SPOPL: variants seen among roughly 807,000 people sequenced by gnomAD.
SPOPL encodes the protein speckle type BTB/POZ protein like.
A neutral mutation model predicts 53.8 loss-of-function variants in SPOPL; 23 were observed. The observed-to-expected ratio is 0.43, with a 90% CI of 0.31 to 0.61. SPOPL has a LOEUF of 0.61. Ranked by LOEUF, SPOPL falls within the 20% of genes least tolerant of loss-of-function variation. The pLI, the probability that SPOPL is intolerant of heterozygous loss-of-function variation, is 0.12. For missense variants in SPOPL, 442 were observed against 466.9 expected (o/e 0.95, Z 0.49); for synonymous variants, 164 against 149.7 (o/e 1.10, Z -0.70).
intron 1 of SPOPL, among the ~76,000 whole-genome samples, chr2:138,539,927 G>T (rs1159392554): frequency 2.0e-5 from 3 of 152,132 alleles, no homozygotes. Flanking sequence ...TTTGTATAAG[G>T]TGTAAGGAAA....
At chr2:138,567,888 A>G (rs531820495) in intron 10 of SPOPL, among the ~76,000 whole-genome samples, 14 of 152,324 alleles carry the variant, frequency 9.2e-5, no homozygotes, top group Middle Eastern at 3.4e-3. Flanking sequence ...TTGCTTAAGC[A>G]TTTATTTACG....
At position 138,535,793 on chromosome 2, in the gene SPOPL, G is replaced by A. The variant is rs114500824; in HGVS notation, c.-60-14364G>A. Among the ~76,000 whole-genome samples, 1,094 of 151,676 alleles carry A rather than the reference G, an allele frequency of 7.2e-3. 15 individuals carry two copies. The highest frequency in any genetic ancestry group is 0.024 in the African/African-American group (1,012 of 41,358). ...TACATGTCAGTGTGCTTAAAATAATGTCCTACAGTTCTCTGAAGATGTTCA... is the reference window on the plus strand; with the variant it reads ...TACATGTCAGTGTGCTTAAAATAATATCCTACAGTTCTCTGAAGATGTTCA... On this transcript the variant is annotated intron_variant, in intron 1 of 10. Transcript: ENST00000280098.
intron 4 of SPOPL, among the ~76,000 whole-genome samples, chr2:138,551,467 T>G (rs570443675): frequency 1.5e-4 from 23 of 152,074 alleles, no homozygotes; most frequent in Admixed American, 5.2e-4. Context: ...TCACTAGAGT[T>G]TTTTGAGCAG....
chr2:138,513,686 G>A (rs934731353), intron 1 of SPOPL, among the ~76,000 whole-genome samples: 7 of 150,668 alleles, frequency 4.6e-5, no homozygotes, highest in Non-Finnish European at 1.0e-4. Flanking sequence ...GAGGCAGTGA[G>A]CTATGGTCTT....
At chr2:138,544,065 G>T (rs1054072406) in intron 1 of SPOPL, among the ~76,000 whole-genome samples, 2 of 152,190 alleles carry the variant, frequency 1.3e-5, no homozygotes, top group African/African-American at 4.8e-5. Flanking sequence ...GTGAACAGCA[G>T]ATGTTGCTGC....
At chr2:138,558,610 A>G (rs935848686) in intron 5 of SPOPL, among the ~76,000 whole-genome samples, 5 of 152,100 alleles carry the variant, frequency 3.3e-5, no homozygotes, top group African/African-American at 9.6e-5. Context: ...ACAAAATACT[A>G]TGTTTATGTA....
chr2:138,568,467 CT>C (rs896352629), intron 10 of SPOPL, among the ~76,000 whole-genome samples: 1 of 152,086 alleles, frequency 6.6e-6, no homozygotes, highest in Non-Finnish European at 1.5e-5. Flanking sequence ...GCGAATGAAC[CT>C]TGTGTGGAAC....
chr2:138,550,941 G>A lies in SPOPL; in HGVS notation c.239G>A (p.Ser80Asn). The A allele has an allele frequency of 6.2e-7, 1 of 1,613,096 alleles. No homozygotes were observed. The highest frequency in any genetic ancestry group is 8.5e-7 in the Non-Finnish European group (1 of 1,179,424). ...RVNPKGLDDE[S>N]KDYLSLYLLL... ...AACCCAAAGGGATTAGATGATGAAAGTAAAGACTACTTGTCCTTATATTTG... is the reference window on the plus strand; with the variant it reads ...AACCCAAAGGGATTAGATGATGAAAATAAAGACTACTTGTCCTTATATTTG... The change falls in exon 4 of 11, where the codon AGT (serine) becomes AAT (asparagine). Residue 80 changes from serine (S) to asparagine (N), a missense_variant. Physicochemically the swap from Ser to Asn is conservative, Grantham distance 46. Transcript: ENST00000280098.
rs1685285309 is a variant in SPOPL at position 138,550,265 on chromosome 2, C to G, written c.49C>G (p.Pro17Ala). The G allele has an allele frequency of 6.2e-7, 1 of 1,613,520 alleles. No individual in the cohort carries two copies. Among genetic ancestry groups the G allele is most frequent in the Admixed American group, 1.7e-5 (1 of 59,942 alleles). ...TCTACCTGGAGATATGTCTACTGGT[C>G]CCATAGCAGAAAGCTGGTGTTACAC... ...PPLPGDMSTG[P>A]IAESWCYTQV... The change falls in exon 2 of 11, where the codon CCC becomes GCC. Residue 17 changes from proline to alanine, a missense_variant. Pro to Ala is a conservative substitution (Grantham distance 27). Coordinates refer to ENST00000280098, the MANE Select transcript of SPOPL (RefSeq NM_001001664.3).
chr2:138,559,592 A>G (rs1287897418), intron 7 of SPOPL, among the ~76,000 whole-genome samples: 1 of 152,168 alleles, frequency 6.6e-6, no homozygotes, highest in African/African-American at 2.4e-5. Context: ...ATCCAAAAGG[A>G]TAGTTATCCA....
intron 1 of SPOPL, among the ~76,000 whole-genome samples, chr2:138,540,198 C>T (rs1226257916): frequency 2.0e-5 from 3 of 152,276 alleles, no homozygotes; most frequent in Admixed American, 1.3e-4. Context: ...CAGGTTTGTT[C>T]TTTTGGCTTA....
intron 9 of SPOPL, 31 bp from the exon 10 acceptor site, chr2:138,564,909 T>G (rs1284720623): frequency 6.2e-7 from 1 of 1,613,716 alleles, no homozygotes; most frequent in African/African-American, 1.3e-5. Flanking sequence ...CTCTGGACTT[T>G]TTTTTAAGTA....
intron 1 of SPOPL, among the ~76,000 whole-genome samples, chr2:138,517,942 C>A (rs61219171): frequency 1.4e-5 from 2 of 145,508 alleles, no homozygotes; most frequent in South Asian, 4.5e-4. Context: ...CAGCAACTTG[C>A]AGGGCTGAGG....
chr2:138,532,231 A>G (rs4954934), intron 1 of SPOPL, among the ~76,000 whole-genome samples: 134,487 of 152,026 alleles, frequency 0.88, 59,796 homozygotes, highest in East Asian at 1. Context: ...AGCCCCTTGG[A>G]TATCCTGTTT....
intron 8 of SPOPL, 150 bp from the exon 9 acceptor site, chr2:138,564,558 C>A (rs1010252725): frequency 1.2e-6 from 1 of 827,708 alleles, no homozygotes. Context: ...ATATTTACTT[C>A]GTATTAGGTT....
intron 6 of SPOPL, 30 bp downstream of exon 6, chr2:138,559,229 C>T: frequency 6.2e-7 from 1 of 1,609,854 alleles, no homozygotes; most frequent in Non-Finnish European, 8.5e-7. Context: ...TAATATAGTA[C>T]ATTTAAAAAA....
chr2:138,560,860 T>A lies in SPOPL; in HGVS notation c.770T>A (p.Phe257Tyr). ...DPEVFKEMMR[F>Y]IYTGRAPNLD... ...GAAGTTTTTAAAGAAATGATGAGAT[T>A]CATTTACACAGGGAGAGCACCAAAC... is the stretch of plus-strand genomic sequence containing the variant. Residue 257 changes from phenylalanine to tyrosine, a missense_variant, in exon 8 of 11, where the codon TTC (phenylalanine) becomes TAC (tyrosine). Transcript: ENST00000280098. 1 of 1,610,656 alleles carries A rather than the reference T, an allele frequency of 6.2e-7. No individual in the cohort carries two copies. The highest frequency in any genetic ancestry group is 1.1e-5 in the South Asian group (1 of 90,130).
intron 5 of SPOPL, among the ~76,000 whole-genome samples, chr2:138,555,100 G>A (rs1685392602): frequency 6.6e-6 from 1 of 150,448 alleles, no homozygotes; most frequent in South Asian, 2.1e-4. Context: ...AAGAGGTGAG[G>A]GGAAGAGTGG....
In SPOPL at chr2:138,568,965, G is replaced by C; in HGVS notation, c.1064G>C (p.Gly355Ala). 1 of 1,613,898 alleles carries C rather than the reference G, an allele frequency of 6.2e-7. No individual in the cohort carries two copies. ...NQATDIMETSGWKSMIQSHPH... is the reference protein window; with the variant it reads ...NQATDIMETSAWKSMIQSHPH... ...GCAACCGACATAATGGAAACATCAG[G>C]GTGGAAGTCCATGATTCAGTCTCAC... The change falls in exon 11 of 11, where the codon GGG (glycine) becomes GCG (alanine). Residue 355 changes from glycine to alanine, a missense_variant. Gly to Ala is a moderately conservative substitution (Grantham distance 60, BLOSUM62 0). Coordinates refer to ENST00000280098, the MANE Select transcript of SPOPL (RefSeq NM_001001664.3).
Sources: gnomAD v4.1 joint callset for allele counts (sites outside exome capture counted in the v4.1 genomes callset) on GRCh38, gnomAD v4.1.1 for gene constraint, MANE v1.5 for transcripts, NCBI Gene and HGNC (gene_info 2026-07-23, HGNC 2026-07-21) for gene names.